The following SBK2 variants were observed in gnomAD, a reference collection of about 807,000 sequenced individuals.
The protein encoded by SBK2 is serine/threonine-protein kinase SBK2.
Under a neutral mutation model 15.9 loss-of-function variants are expected in SBK2, and 18 were observed. The ratio of observed to expected loss-of-function variants is 1.13; its 90% CI spans 0.78 to 1.68. SBK2 has a LOEUF of 1.68. Ranked by LOEUF, SBK2 falls within the 40% of genes most tolerant of loss-of-function variation. The probability of loss-of-function intolerance (pLI) is 0.00; values close to 1 mark genes in which losing one functional copy is unlikely to be tolerated. For synonymous variants in SBK2, 284 were observed against 246.8 expected (o/e 1.15, Z -1.41); for missense variants, 581 against 510.9 (o/e 1.14, Z -1.32).
At position 55,536,151 on chromosome 19, in the gene SBK2, C is replaced by G; in HGVS notation, c.144G>C (p.Leu48=). The change falls in exon 2 of 4, where the codon CTG becomes CTC. Residue 48 remains leucine (L), a synonymous_variant. Transcript: ENST00000413299. ...AARALEDMMT[L]SAQTLVRAEV... is the part of the protein sequence containing the mutation. ...CGGCTCGGACCAGGGTCTGAGCACT[C>G]AGCGTCATCATGTCCTCCAGCGCGC... 2 of 1,600,598 alleles carry G rather than the reference C, an allele frequency of 1.2e-6. No homozygotes were observed. Among genetic ancestry groups the G allele is most frequent in the Non-Finnish European group, 8.5e-7 (1 of 1,173,626 alleles).
intron 3 of SBK2, 48 bp downstream of exon 3, chr19:55,531,095 G>C (rs957406118): frequency 6.4e-7 from 1 of 1,553,732 alleles, no homozygotes; most frequent in Admixed American, 1.7e-5. Context: ...GGACGTTCCT[G>C]GGAGGCCGGT....
At position 55,531,152 on chromosome 19, in the gene SBK2, G is replaced by C. The variant is rs981633030; in HGVS notation, c.447C>G (p.Ile149Met). ...GGGTCTGCCTACGCACCTTGGGCTG[G>C]ATGAAGGCCATGAGGTCCCCGTGCA... is the stretch of plus-strand genomic sequence containing the variant. ...PVLHGDLMAF[I>M]QPKVGLPQPA... Residue 149 changes from isoleucine (I) to methionine (M), a missense_variant, in exon 3 of 4, where the codon ATC (isoleucine) becomes ATG (methionine). Transcript: ENST00000413299. 3 of 1,611,344 alleles carry C rather than the reference G, an allele frequency of 1.9e-6. No homozygotes were observed. Among genetic ancestry groups the C allele is most frequent in the Non-Finnish European group, 2.5e-6 (3 of 1,179,896 alleles).
At chr19:55,533,726 C>T (rs1988331539) in intron 2 of SBK2, among the ~76,000 whole-genome samples, 1 of 145,490 alleles carries the variant, frequency 6.9e-6, no homozygotes, top group Admixed American at 6.9e-5. Context: ...ATCAAAAACA[C>T]CAGCCATCCC....
Position 55,530,159 on chromosome 19 carries a change from C to T in SBK2, c.621G>A (p.Thr207=). 12 of 1,517,322 alleles carry T rather than the reference C, an allele frequency of 7.9e-6. No homozygotes were observed. Among genetic ancestry groups the T allele is most frequent in the Non-Finnish European group, 9.7e-6 (11 of 1,134,238 alleles). The allele number at this position is 1,517,322 out of a possible 1,614,324, so 94.0% of individuals were successfully genotyped here. A position where few individuals can be genotyped will look rare whatever the true frequency, so the allele number is the denominator to read the frequency against. ...RRFKLTDFGH[T]RPRGTLLRLA... ...GGCGCAGCAGCGTCCCGCGAGGCCT[C>T]GTGTGGCCGAAGTCGGTCAGCTTGA... The change falls in exon 4 of 4, where the codon ACG becomes ACA. Residue 207 remains threonine, a synonymous_variant. Transcript: ENST00000413299.
Position 55,529,605 on chromosome 19 carries a change from AGAGGAG to A in SBK2, c.*122_*127del, listed in dbSNP as rs1173789567. The A allele has an allele frequency of 7.9e-6, 10 of 1,267,992 alleles. No individual in the cohort carries two copies. Among genetic ancestry groups the A allele is most frequent in the Middle Eastern group, 2.1e-4 (1 of 4,858 alleles). 78.5% of individuals were successfully genotyped at this position (1,267,992 alleles called of 1,614,324 possible). ...GAGGAATGCAGCCTGCAGAGAGGAG[AGAGGAG>A]GAGGACGCCGAGGGGAATCCCAAGC... On this transcript the variant is annotated 3_prime_UTR_variant, in exon 4 of 4. Transcript: ENST00000413299.
rs367873141 is a variant in SBK2, at chr19:55,536,109, G to A, written c.186C>T (p.Tyr62=). 194 of 1,545,280 alleles carry A rather than the reference G, an allele frequency of 1.3e-4. No individual in the cohort carries two copies. The highest frequency in any genetic ancestry group is 1.5e-4 in the Non-Finnish European group (175 of 1,142,544). ...TLVRAEVDEL[Y]EEVRPLGQGC... ...CCTGGCCCAGGGGACGCACTTCCTC[G>A]TAGAGCTCGTCCACCTCGGCTCGGA... The change falls in exon 2 of 4, where the codon TAC becomes TAT. Residue 62 remains tyrosine (Y), a synonymous_variant. Coordinates refer to ENST00000413299, the MANE Select transcript of SBK2 (RefSeq NM_001370096.2).
At chr19:55,533,249 T>G (rs896191711) in intron 2 of SBK2, among the ~76,000 whole-genome samples, 4 of 151,938 alleles carry the variant, frequency 2.6e-5, no homozygotes, top group African/African-American at 9.7e-5. Context: ...GAGAATTGCT[T>G]GAACCCAGGA....
chr19:55,531,624 C>A (rs969560347), intron 2 of SBK2, among the ~76,000 whole-genome samples: 1 of 152,162 alleles, frequency 6.6e-6, no homozygotes, highest in Non-Finnish European at 1.5e-5. Flanking sequence ...TGGGAGGATC[C>A]GTTGAGGCCA....
chr19:55,528,985 C>T lies in SBK2; in HGVS notation c.*748G>A, dbSNP rs1988175708. On this transcript the variant is annotated 3_prime_UTR_variant, in exon 4 of 4. Transcript: ENST00000413299. The stretch of plus-strand genomic sequence containing the variant: ...GGAGGCAGACAGTAAGCATTTACAA[C>T]GCGCAGCTGTAATCCCAGCACTGCG... Among the ~76,000 whole-genome samples the T allele has an allele frequency of 6.6e-6, 1 of 152,218 alleles. No individual in the cohort carries two copies. Among genetic ancestry groups the T allele is most frequent in the South Asian group, 2.1e-4 (1 of 4,832 alleles).
Position 55,529,599 on chromosome 19 carries a change from G to C in SBK2, c.*134C>G. 1 of 785,396 alleles carries C rather than the reference G, an allele frequency of 1.3e-6. No homozygotes were observed. Among genetic ancestry groups the C allele is most frequent in the Non-Finnish European group, 1.7e-6 (1 of 595,692 alleles). 48.7% of individuals were successfully genotyped at this position (785,396 alleles called of 1,614,324 possible). The stretch of plus-strand genomic sequence containing the variant: ...CCAAGGGAGGAATGCAGCCTGCAGA[G>C]AGGAGAGAGGAGGAGGACGCCGAGG... On this transcript the variant is annotated 3_prime_UTR_variant, in exon 4 of 4. Coordinates refer to ENST00000413299, the MANE Select transcript of SBK2 (RefSeq NM_001370096.2).
At chr19:55,531,024 G>A (rs1445409508) in intron 3 of SBK2, 119 bp downstream of exon 3, 1 of 887,818 alleles carries the variant, frequency 1.1e-6, no homozygotes, top group Non-Finnish European at 1.8e-6. Flanking sequence ...CCTCCGGGGG[G>A]TAGGGGAGGC....
rs1988179556 is a variant in SBK2, at chr19:55,529,163, G to A, written c.*570C>T. Among the ~76,000 whole-genome samples, 2 of 152,146 alleles carry A rather than the reference G, an allele frequency of 1.3e-5. No individual in the cohort carries two copies. The highest frequency in any genetic ancestry group is 4.1e-4 in the South Asian group (2 of 4,820). Reference sequence around the variant, plus strand: ...TAGTCCCAGCTACTCAGGAGGCTGAGGCAGGAGGATTGTTTGAGGCCAGGA... The same window carrying A: ...TAGTCCCAGCTACTCAGGAGGCTGAAGCAGGAGGATTGTTTGAGGCCAGGA... On this transcript the variant is annotated 3_prime_UTR_variant, in exon 4 of 4. Transcript: ENST00000413299.
chr19:55,531,426 C>T (rs1988264089), intron 2 of SBK2, 81 bp from the exon 3 acceptor site: 3 of 1,053,704 alleles, frequency 2.8e-6, no homozygotes. Context: ...CCTGTGGTCC[C>T]CTCAATGGCC....
chr19:55,536,833 G>A (rs1157897977), intron 1 of SBK2, among the ~76,000 whole-genome samples: 1 of 116,276 alleles, frequency 8.6e-6, no homozygotes, highest in Non-Finnish European at 1.7e-5. Context: ...CAGGCCCCCA[G>A]CCCACCTCTC....
intron 3 of SBK2, 23 bp downstream of exon 3, chr19:55,531,120 C>T (rs188663937): frequency 3.8e-6 from 6 of 1,599,664 alleles, no homozygotes; most frequent in South Asian, 1.1e-5. Context: ...CACTCGGAGG[C>T]GGCCTGGGGT....
rs1262506773 is a variant in SBK2 at position 55,529,288 on chromosome 19, C to G, written c.*445G>C. 6.6e-6 allele frequency among the ~76,000 whole-genome samples: 1 copy of G among 152,134 alleles called. No individual in the cohort carries two copies. Among genetic ancestry groups the G allele is most frequent in the Non-Finnish European group, 1.5e-5 (1 of 68,028 alleles). On this transcript the variant is annotated 3_prime_UTR_variant, in exon 4 of 4. Transcript: ENST00000413299. ...GCGCATGCCTGTAGTCCCAGCTACT[C>G]AGGAGGCTGAGGCAGGAAGATTGCT...
Position 55,536,286 on chromosome 19 carries a change from G to A in SBK2, c.9C>T (p.Gly3=). Residue 3 remains glycine (G), a synonymous_variant, in exon 2 of 4, where the codon GGC becomes GGT. Coordinates refer to ENST00000413299, the MANE Select transcript of SBK2 (RefSeq NM_001370096.2). Reference sequence around the variant, plus strand: ...CCGCCGGCCCTTCCTCAGACTGTTTGCCGGGCATCTCTGCGAGAACAGAGA... The same window carrying A: ...CCGCCGGCCCTTCCTCAGACTGTTTACCGGGCATCTCTGCGAGAACAGAGA... MP[G]KQSEEGPAEA... The A allele has an allele frequency of 6.4e-6, 10 of 1,565,136 alleles. No individual in the cohort carries two copies. The highest frequency in any genetic ancestry group is 8.6e-6 in the Non-Finnish European group (10 of 1,158,922).
At chr19:55,532,451 T>C (rs1220424995) in intron 2 of SBK2, among the ~76,000 whole-genome samples, 1 of 150,208 alleles carries the variant, frequency 6.7e-6, no homozygotes, top group Non-Finnish European at 1.5e-5. Context: ...TACGGGCACC[T>C]GCCACCATAC....
intron 2 of SBK2, among the ~76,000 whole-genome samples, chr19:55,533,659 CAAAAAAAAAAAAAAAAAAA>C (rs71181785): frequency 3.2e-4 from 11 of 33,892 alleles, no homozygotes; most frequent in East Asian, 3.4e-3. Flanking sequence ...GACTCCGTCT[CAAAAAAAAAAAAAAAAAAA>C]AAAAAAAAAA....
Sources: gnomAD v4.1 joint callset for allele counts (sites outside exome capture counted in the v4.1 genomes callset) on GRCh38, gnomAD v4.1.1 for gene constraint, MANE v1.5 for transcripts, NCBI Gene and HGNC (gene_info 2026-07-23, HGNC 2026-07-21) for gene names.